CRPPA: variants seen among roughly 807,000 people sequenced by gnomAD.
The protein encoded by CRPPA is CDP-L-ribitol pyrophosphorylase A, also known as D-ribitol-5-phosphate cytidylyltransferase.
Under a neutral mutation model 52.0 loss-of-function variants are expected in CRPPA, and 43 were observed. The observed-to-expected ratio is 0.83, with a 90% CI of 0.65 to 1.07. The LOEUF is 1.07. Among genes scored for constraint, CRPPA ranks in the 50% least tolerant of loss-of-function variants. The pLI, the probability that CRPPA is intolerant of heterozygous loss-of-function variation, is 0.00. For missense variants in CRPPA, 629 were observed against 551.7 expected (o/e 1.14, Z -1.40); for synonymous variants, 250 against 203.5 (o/e 1.23, Z -1.94).
intron 8 of CRPPA, among the ~76,000 whole-genome samples, chr7:16,230,096 T>C (rs1204080647): frequency 6.6e-6 from 1 of 152,172 alleles, no homozygotes; most frequent in African/African-American, 2.4e-5. Context: ...GATAGCATTA[T>C]TATAATATGT....
Position 16,397,300 on chromosome 7 carries a change from G to A in CRPPA, c.534+8761C>T, listed in dbSNP as rs556278418. ...GGTGACACAATTGTGACAAGTCACTGACATGTAACTGACACGTGATGGACA... is the reference window on the plus strand; with the variant it reads ...GGTGACACAATTGTGACAAGTCACTAACATGTAACTGACACGTGATGGACA... On this transcript the variant is annotated intron_variant, in intron 2 of 9. Transcript: ENST00000407010. 4.6e-5 allele frequency among the ~76,000 whole-genome samples: 7 copies of A among 152,346 alleles called. 1 individual carries two copies. The East Asian group carries it at 7.7e-4, about 17-fold the overall frequency.
At chr7:16,281,628 G>A (rs1784322473) in intron 5 of CRPPA, among the ~76,000 whole-genome samples, 1 of 152,100 alleles carries the variant, frequency 6.6e-6, no homozygotes, top group South Asian at 2.1e-4. Flanking sequence ...TAATGAGTTG[G>A]TAAGTGTTTT....
intron 2 of CRPPA, among the ~76,000 whole-genome samples, chr7:16,382,809 C>G (rs1007198582): frequency 2.0e-5 from 3 of 152,170 alleles, no homozygotes; most frequent in Non-Finnish European, 4.4e-5. Context: ...CTGCATACTT[C>G]ACGTAGTTCT....
intron 6 of CRPPA, among the ~76,000 whole-genome samples, chr7:16,277,670 T>C (rs1468454137): frequency 6.6e-6 from 1 of 152,196 alleles, no homozygotes; most frequent in Non-Finnish European, 1.5e-5. Context: ...ATATTAGATA[T>C]GAGTTTAACT....
chr7:16,094,089 T>G (rs1781890405), intron 9 of CRPPA, among the ~76,000 whole-genome samples: 1 of 152,192 alleles, frequency 6.6e-6, no homozygotes, highest in African/African-American at 2.4e-5. Flanking sequence ...TCATCTATGT[T>G]CATTTTGATA....
intron 3 of CRPPA, among the ~76,000 whole-genome samples, chr7:16,350,519 G>A (rs1786121065): frequency 6.6e-6 from 1 of 151,938 alleles, no homozygotes; most frequent in Admixed American, 6.6e-5. Flanking sequence ...GTGTAGTTTG[G>A]GTATGCAATC....
At chr7:16,397,198 CGT>C (rs1186278543) in intron 2 of CRPPA, among the ~76,000 whole-genome samples, 4 of 152,222 alleles carry the variant, frequency 2.6e-5, no homozygotes, top group South Asian at 2.1e-4. Context: ...ACGTGATGGA[CGT>C]GTGACACGAC....
At chr7:16,279,152 A>C (rs1297451809) in intron 5 of CRPPA, among the ~76,000 whole-genome samples, 1 of 152,202 alleles carries the variant, frequency 6.6e-6, no homozygotes, top group Non-Finnish European at 1.5e-5. Flanking sequence ...CCTGAATCAA[A>C]AGTATGTTTG....
chr7:16,163,374 A>C (rs1780959677), intron 9 of CRPPA, among the ~76,000 whole-genome samples: 1 of 151,536 alleles, frequency 6.6e-6, no homozygotes, highest in South Asian at 2.1e-4. Flanking sequence ...CTTGGTAAAT[A>C]TTCCTCCATC....
At chr7:16,155,905 G>T (rs1048805405) in intron 9 of CRPPA, among the ~76,000 whole-genome samples, 2 of 152,076 alleles carry the variant, frequency 1.3e-5, no homozygotes, top group African/African-American at 2.4e-5. Context: ...ACAAACAAGG[G>T]TTCCTTAATC....
chr7:16,301,488 T>A, intron 4 of CRPPA, 22 bp from the exon 5 acceptor site: 4 of 1,592,022 alleles, frequency 2.5e-6, no homozygotes, highest in Non-Finnish European at 3.4e-6. Context: ...ATAAACTTCA[T>A]TAGACTTAAC....
intron 6 of CRPPA, among the ~76,000 whole-genome samples, chr7:16,274,437 A>G: frequency 6.6e-6 from 1 of 152,118 alleles, no homozygotes; most frequent in East Asian, 1.9e-4. Flanking sequence ...CCAAATTTAG[A>G]AGTCAGGGAA....
At chr7:16,279,770 G>A (rs1036963879) in intron 5 of CRPPA, among the ~76,000 whole-genome samples, 1 of 152,186 alleles carries the variant, frequency 6.6e-6, no homozygotes, top group East Asian at 1.9e-4. Context: ...AATGTGTATT[G>A]AGGTAGGTAG....
At chr7:16,248,386 T>C (rs150955384) in intron 8 of CRPPA, among the ~76,000 whole-genome samples, 175 of 151,906 alleles carry the variant, frequency 1.2e-3, no homozygotes, top group African/African-American at 3.8e-3. Context: ...GTGCATTTGG[T>C]GGAGGGGGAC....
chr7:16,361,508 T>C (rs7808683), intron 3 of CRPPA, among the ~76,000 whole-genome samples: 75,434 of 152,022 alleles, frequency 0.5, 19,267 homozygotes, highest in South Asian at 0.67. Context: ...GGTATGTACA[T>C]ACAATGGAAT....
intron 1 of CRPPA, among the ~76,000 whole-genome samples, chr7:16,409,451 G>C (rs1473756745): frequency 6.6e-6 from 1 of 152,182 alleles, no homozygotes; most frequent in Non-Finnish European, 1.5e-5. Context: ...AGAGAGAAAG[G>C]ATGCAGAGAG....
intron 2 of CRPPA, among the ~76,000 whole-genome samples, chr7:16,382,255 T>G (rs1787114686): frequency 6.6e-6 from 1 of 152,206 alleles, no homozygotes; most frequent in Non-Finnish European, 1.5e-5. Flanking sequence ...TTATGAAGCT[T>G]AGTTTAGCTG....
At chr7:16,235,411 G>T (rs972409948) in intron 8 of CRPPA, among the ~76,000 whole-genome samples, 2 of 152,022 alleles carry the variant, frequency 1.3e-5, no homozygotes, top group African/African-American at 4.8e-5. Flanking sequence ...ACTAATAACT[G>T]TGGCAAACTA....
chr7:16,252,392 G>A (rs983739683), intron 8 of CRPPA, among the ~76,000 whole-genome samples: 10 of 152,012 alleles, frequency 6.6e-5, no homozygotes, highest in African/African-American at 1.2e-4. Flanking sequence ...AAGTATTGAC[G>A]GAACGTATCT....
Sources: allele counts gnomAD v4.1 joint callset (sites outside exome capture counted in the v4.1 genomes callset), GRCh38; gene constraint gnomAD v4.1.1; transcripts MANE v1.5; gene names NCBI Gene and HGNC (gene_info 2026-07-23, HGNC 2026-07-21).